The following SGCZ variants were observed in gnomAD, a reference collection of about 807,000 sequenced individuals.
SGCZ encodes the protein sarcoglycan zeta.
A neutral mutation model predicts 41.3 loss-of-function variants in SGCZ; 40 were observed. The ratio of observed to expected loss-of-function variants is 0.97; its 90% CI spans 0.75 to 1.26. SGCZ has a LOEUF of 1.26. Among genes scored for constraint, SGCZ ranks in the 50% most tolerant of loss-of-function variants. The pLI is 0.00. For synonymous variants in SGCZ, 206 were observed against 137.5 expected (o/e 1.50, Z -3.49); for missense variants, 552 against 369.8 (o/e 1.49, Z -4.04).
At chr8:14,799,638 T>A (rs982972777) in intron 1 of SGCZ, among the ~76,000 whole-genome samples, 2 of 152,162 alleles carry the variant, frequency 1.3e-5, no homozygotes, top group African/African-American at 4.8e-5. Context: ...TCCACAGGAC[T>A]TCACCTACTA....
intron 6 of SGCZ, among the ~76,000 whole-genome samples, chr8:14,103,131 G>T (rs1274393640): frequency 1.3e-5 from 2 of 151,998 alleles, no homozygotes; most frequent in Non-Finnish European, 2.9e-5. Context: ...GTCTGTGAAA[G>T]AAAAATCAAT....
At chr8:14,623,375 C>T (rs938164660) in intron 1 of SGCZ, among the ~76,000 whole-genome samples, 6 of 152,130 alleles carry the variant, frequency 3.9e-5, no homozygotes, top group Admixed American at 1.3e-4. Flanking sequence ...CATCTCTTTG[C>T]GTGAAGCAAA....
At chr8:14,123,110 AC>A (rs1802750060) in intron 5 of SGCZ, among the ~76,000 whole-genome samples, 3 of 152,178 alleles carry the variant, frequency 2.0e-5, no homozygotes, top group Admixed American at 2.0e-4. Flanking sequence ...GAAGATTCAA[AC>A]TTTTTTGGAA....
At position 14,630,225 on chromosome 8, in the gene SGCZ, CAT is replaced by C. The variant is rs1019989403; in HGVS notation, c.40-75301_40-75300del. On this transcript the variant is annotated intron_variant, in intron 1 of 7. Transcript: ENST00000382080. ...ACAAATTCATCAAAGTTATTTTTCA[CAT>C]GTGTTTTGATTTTTTTTTTTTGGTT... Among the ~76,000 whole-genome samples the C allele has an allele frequency of 6.3e-5, 9 of 142,960 alleles. No individual in the cohort carries two copies. In the Admixed American group the frequency reaches 6.4e-4, roughly 10 times the overall value. The allele number at this position is 142,960 out of a possible 152,430, so 93.8% of individuals were successfully genotyped here.
In SGCZ at chr8:15,159,753, CCCCCG is replaced by C. The variant is rs1563157648; in HGVS notation, c.39+77827_39+77831del. On this transcript the variant is annotated intron_variant, in intron 1 of 7. Coordinates refer to ENST00000382080, the MANE Select transcript of SGCZ (RefSeq NM_139167.4). ...CCCGCCCCCCCCACCCTCCCCCCCA[CCCCCG>C]CCACACACACACAGATGGTGTCTGA... 6.2e-4 allele frequency among the ~76,000 whole-genome samples: 22 copies of C among 35,254 alleles called. 1 individual carries two copies. The East Asian group carries it at 0.019, about 31-fold the overall frequency. The allele number at this position is 35,254 out of a possible 152,430, so 23.1% of individuals were successfully genotyped here. A position where few individuals can be genotyped will look rare whatever the true frequency, so the allele number is the denominator to read the frequency against.
intron 1 of SGCZ, among the ~76,000 whole-genome samples, chr8:15,073,636 G>A (rs1381024774): frequency 6.6e-6 from 1 of 152,110 alleles, no homozygotes; most frequent in East Asian, 1.9e-4. Context: ...TCAGTTGAAG[G>A]CTAAGGTAAG....
chr8:14,446,714 C>G (rs952725818), intron 2 of SGCZ, among the ~76,000 whole-genome samples: 1 of 152,080 alleles, frequency 6.6e-6, no homozygotes, highest in African/African-American at 2.4e-5. Context: ...AAAAGCTCAC[C>G]TTTCCATTTG....
rs1801639529 is a variant in SGCZ at position 14,090,096 on chromosome 8, G to A, written c.*347C>T. The stretch of plus-strand genomic sequence containing the variant: ...ATTGGATACTGGGAATTTCATTTAT[G>A]TAATGTATATATGTGCAGTTCATAT... On this transcript the variant is annotated 3_prime_UTR_variant, in exon 8 of 8. Transcript: ENST00000382080. 1 of 169,128 alleles carries A rather than the reference G, an allele frequency of 5.9e-6. No individual in the cohort carries two copies. Among genetic ancestry groups the A allele is most frequent in the African/African-American group, 2.4e-5 (1 of 42,224 alleles). 10.5% of individuals were successfully genotyped at this position (169,128 alleles called of 1,614,324 possible).
intron 2 of SGCZ, 119 bp from the exon 3 acceptor site, chr8:14,324,323 A>T (rs1802021666): frequency 1.4e-6 from 1 of 726,044 alleles, no homozygotes; most frequent in Non-Finnish European, 2.4e-6. Context: ...ATTTAAGGAA[A>T]ATGAGAGATT....
At chr8:14,261,870 A>G (rs867373363) in intron 3 of SGCZ, among the ~76,000 whole-genome samples, 51 of 152,164 alleles carry the variant, frequency 3.4e-4, no homozygotes, top group African/African-American at 1.1e-3. Flanking sequence ...CAGAGGATCT[A>G]AATTCCAGAA....
intron 1 of SGCZ, among the ~76,000 whole-genome samples, chr8:14,608,526 C>T (rs1223316872): frequency 6.6e-6 from 1 of 152,002 alleles, no homozygotes; most frequent in African/African-American, 2.4e-5. Context: ...TTTAAACAAC[C>T]AGCTGTCTTG....
intron 5 of SGCZ, among the ~76,000 whole-genome samples, chr8:14,132,777 T>G (rs758015693): frequency 1.2e-4 from 18 of 152,172 alleles, no homozygotes; most frequent in Non-Finnish European, 2.1e-4. Context: ...GGCATTTGAG[T>G]ATTATAAAGT....
chr8:14,769,588 T>A (rs1034265071), intron 1 of SGCZ, among the ~76,000 whole-genome samples: 1 of 151,942 alleles, frequency 6.6e-6, no homozygotes, highest in Admixed American at 6.6e-5. Flanking sequence ...GGTCGGGAGT[T>A]CGAGACCAGC....
chr8:14,493,012 T>C (rs1022447624), intron 2 of SGCZ, among the ~76,000 whole-genome samples: 7 of 152,282 alleles, frequency 4.6e-5, no homozygotes, highest in African/African-American at 1.4e-4. Flanking sequence ...ACCTGGGCTA[T>C]GGTGACCACC....
intron 1 of SGCZ, among the ~76,000 whole-genome samples, chr8:15,147,893 TA>T (rs1284621808): frequency 6.6e-6 from 1 of 152,224 alleles, no homozygotes; most frequent in African/African-American, 2.4e-5. Context: ...ACAAACCATA[TA>T]AAAGGTACAT....
chr8:15,158,176 A>C (rs1799393474), intron 1 of SGCZ, among the ~76,000 whole-genome samples: 1 of 151,984 alleles, frequency 6.6e-6, no homozygotes. Flanking sequence ...CAAAAAAAAA[A>C]ATGGTGAAAA....
intron 1 of SGCZ, among the ~76,000 whole-genome samples, chr8:14,688,246 GT>G (rs1279293139): frequency 6.6e-6 from 1 of 152,150 alleles, no homozygotes; most frequent in Non-Finnish European, 1.5e-5. Flanking sequence ...TGCTTTTGGT[GT>G]TTTAGACATG....
intron 1 of SGCZ, among the ~76,000 whole-genome samples, chr8:14,699,471 ATAGATCAAAAATC>A (rs552042883): frequency 2.8e-3 from 430 of 152,000 alleles, no homozygotes; most frequent in African/African-American, 9.5e-3. Flanking sequence ...TGTACTCAAA[ATAGATCAAAAATC>A]TAAATTTAAG....
At chr8:14,551,559 T>TG (rs1803850143) in intron 2 of SGCZ, among the ~76,000 whole-genome samples, 1 of 19,116 alleles carries the variant, frequency 5.2e-5, no homozygotes, top group East Asian at 3.6e-3. Context: ...ATAATATATA[T>TG]TATATATATA....
Sources: allele counts gnomAD v4.1 joint callset (sites outside exome capture counted in the v4.1 genomes callset), GRCh38; gene constraint gnomAD v4.1.1; transcripts MANE v1.5; gene names NCBI Gene and HGNC (gene_info 2026-07-23, HGNC 2026-07-21).